BRINP3: variants seen among roughly 807,000 people sequenced by gnomAD.
The protein encoded by BRINP3 is BMP/retinoic acid inducible neural specific 3.
BRINP3 carries 19 observed loss-of-function variants against 71.0 expected under a neutral mutation model. The ratio of observed to expected loss-of-function variants is 0.27; its 90% CI spans 0.19 to 0.39. The LOEUF is 0.39. Among genes scored for constraint, BRINP3 ranks in the 10% least tolerant of loss-of-function variants. The pLI, the probability that BRINP3 is intolerant of heterozygous loss-of-function variation, is 1.00. For missense variants in BRINP3, 959 were observed against 940.8 expected, an observed-to-expected ratio of 1.02 and a Z score of -0.25; for synonymous variants, 380 against 337.7, an observed-to-expected ratio of 1.13 and a Z score of -1.37.
At chr1:190,173,857 G>A (rs1339037858) in intron 6 of BRINP3, among the ~76,000 whole-genome samples, 7 of 152,000 alleles carry the variant, frequency 4.6e-5, no homozygotes. Flanking sequence ...TCAGTGTCTG[G>A]AATAAAAGAA....
intron 6 of BRINP3, among the ~76,000 whole-genome samples, chr1:190,221,348 G>A (rs1302134219): frequency 2.0e-5 from 3 of 152,080 alleles, no homozygotes; most frequent in Non-Finnish European, 4.4e-5. Context: ...GTTATCCAAG[G>A]TAAGTTGTCT....
chr1:190,098,325 T>C lies in BRINP3; in HGVS notation c.1994A>G (p.Asn665Ser), dbSNP rs1051758519. The change falls in exon 8 of 8, where the codon AAC becomes AGC. Residue 665 changes from asparagine (N) to serine (S), a missense_variant. Coordinates refer to ENST00000367462, the MANE Select transcript of BRINP3 (RefSeq NM_199051.3). ...SRNLGYMKINNIQVFGYSMHF... is the reference protein window; with the variant it reads ...SRNLGYMKINSIQVFGYSMHF... ...CATGCTGTAGCCAAACACTTGAATG[T>C]TATTGATTTTCATATAGCCCAGGTT... is the stretch of plus-strand genomic sequence containing the variant. The C allele has an allele frequency of 6.2e-7, 1 of 1,614,128 alleles. No homozygotes were observed. The highest frequency in any genetic ancestry group is 8.5e-7 in the Non-Finnish European group (1 of 1,180,024).
chr1:190,196,664 T>G (rs926307597), intron 6 of BRINP3, among the ~76,000 whole-genome samples: 29 of 152,204 alleles, frequency 1.9e-4, no homozygotes, highest in East Asian at 9.7e-4. Context: ...ATAGGTTTTT[T>G]TTTGTTTGTT....
At chr1:190,472,892 T>C (rs573027333) in intron 1 of BRINP3, among the ~76,000 whole-genome samples, 4 of 151,744 alleles carry the variant, frequency 2.6e-5, no homozygotes, top group Admixed American at 1.3e-4. Flanking sequence ...AATTATAATG[T>C]ACAATAACTT....
At chr1:190,397,497 T>C (rs1671656058) in intron 2 of BRINP3, among the ~76,000 whole-genome samples, 1 of 152,028 alleles carries the variant, frequency 6.6e-6, no homozygotes, top group Admixed American at 6.6e-5. Flanking sequence ...CCTTTACTCC[T>C]TGGTCTGAAA....
intron 1 of BRINP3, among the ~76,000 whole-genome samples, chr1:190,474,048 TAAG>T (rs762611581): frequency 8.5e-5 from 13 of 152,202 alleles, no homozygotes; most frequent in Non-Finnish European, 1.6e-4. Flanking sequence ...TCTGGGACCT[TAAG>T]AAGAAGCAAT....
chr1:190,464,266 G>A (rs1210748119), intron 1 of BRINP3, among the ~76,000 whole-genome samples: 1 of 151,760 alleles, frequency 6.6e-6, no homozygotes, highest in Non-Finnish European at 1.5e-5. Flanking sequence ...AGAAATGGAT[G>A]TTTATTTGAA....
intron 3 of BRINP3, among the ~76,000 whole-genome samples, chr1:190,276,220 T>C (rs564480271): frequency 6.6e-6 from 1 of 151,550 alleles, no homozygotes; most frequent in Non-Finnish European, 1.5e-5. Context: ...AGAAATAAAT[T>C]ATTTATGTGT....
At position 190,389,109 on chromosome 1, in the gene BRINP3, T is replaced by G. The variant is rs143176100; in HGVS notation, c.236+65546A>C. 6.1e-3 allele frequency among the ~76,000 whole-genome samples: 927 copies of G among 151,850 alleles called. 16 individuals are homozygous for G. The highest frequency in any genetic ancestry group is 0.021 in the African/African-American group (864 of 41,512). On this transcript the variant is annotated intron_variant, in intron 2 of 7. Transcript: ENST00000367462. Reference sequence around the variant, plus strand: ...AAAAGCATTATTTACCAGGACAAATTTTATTTAGCAAAAAATAAAGAAAAA... The same window carrying G: ...AAAAGCATTATTTACCAGGACAAATGTTATTTAGCAAAAAATAAAGAAAAA...
At chr1:190,178,161 A>G (rs1031205426) in intron 6 of BRINP3, among the ~76,000 whole-genome samples, 1 of 152,168 alleles carries the variant, frequency 6.6e-6, no homozygotes. Context: ...CTAAAAGATG[A>G]AATATTATAA....
intron 4 of BRINP3, among the ~76,000 whole-genome samples, chr1:190,241,007 A>T (rs1659036118): frequency 6.6e-6 from 1 of 151,874 alleles, no homozygotes; most frequent in Non-Finnish European, 1.5e-5. Context: ...TTGCAGGGCA[A>T]TAATTTATTT....
At chr1:190,419,345 G>C (rs568342002) in intron 2 of BRINP3, among the ~76,000 whole-genome samples, 1 of 151,898 alleles carries the variant, frequency 6.6e-6, no homozygotes, top group Non-Finnish European at 1.5e-5. Context: ...TATTATTTTG[G>C]TTCTATGGCT....
chr1:190,453,377 C>T (rs1675778352), intron 2 of BRINP3, among the ~76,000 whole-genome samples: 2 of 151,548 alleles, frequency 1.3e-5, no homozygotes, highest in Non-Finnish European at 2.9e-5. Context: ...CTAGCCACCA[C>T]GCCCGGCTAA....
chr1:190,429,596 T>G (rs1288869860), intron 2 of BRINP3, among the ~76,000 whole-genome samples: 2 of 149,028 alleles, frequency 1.3e-5, no homozygotes, highest in African/African-American at 4.9e-5. Context: ...TTTCTTCCTT[T>G]TTTTTTTTTT....
chr1:190,448,351 G>A lies in BRINP3; in HGVS notation c.236+6304C>T, dbSNP rs192293934. 4.8e-3 allele frequency among the ~76,000 whole-genome samples: 722 copies of A among 151,520 alleles called. 7 individuals are homozygous for A. The highest frequency in any genetic ancestry group is 0.015 in the African/African-American group (607 of 41,398). On this transcript the variant is annotated intron_variant, in intron 2 of 7. Coordinates refer to ENST00000367462, the MANE Select transcript of BRINP3 (RefSeq NM_199051.3). ...CAAATTGAGTATACATTGCATGACC[G>A]TATTTAAGATGTATGTTACATATTT...
In BRINP3 at chr1:190,335,632, T is replaced by C. The variant is rs191086093; in HGVS notation, c.237-53882A>G. ...ATGTTCAGACATTTTAAAGAATATA[T>C]GACTCATTAACACTTTATATATAAA... On this transcript the variant is annotated intron_variant, in intron 2 of 7. Transcript: ENST00000367462. Among the ~76,000 whole-genome samples, 25 of 151,972 alleles carry C rather than the reference T, an allele frequency of 1.6e-4. 1 individual carries two copies. The highest frequency in any genetic ancestry group is 1.4e-3 in the Admixed American group (22 of 15,196).
At chr1:190,465,897 C>T (rs745691106) in intron 1 of BRINP3, among the ~76,000 whole-genome samples, 1 of 151,632 alleles carries the variant, frequency 6.6e-6, no homozygotes, top group African/African-American at 2.4e-5. Flanking sequence ...AAGATTAAAA[C>T]GATATGTAGA....
intron 2 of BRINP3, among the ~76,000 whole-genome samples, chr1:190,290,548 A>G (rs1663782113): frequency 6.6e-6 from 1 of 152,142 alleles, no homozygotes; most frequent in African/African-American, 2.4e-5. Context: ...CAATAAGTTT[A>G]TACGTTTGGT....
At position 190,261,719 on chromosome 1, in the gene BRINP3, C is replaced by T. The variant is rs74820379; in HGVS notation, c.618+3146G>A. On this transcript the variant is annotated intron_variant, in intron 4 of 7. Coordinates refer to ENST00000367462, the MANE Select transcript of BRINP3 (RefSeq NM_199051.3). ...AATATTTGCTCTAGAAATTAAATACCTACTATATGTCACTTAAAACACAAC... is the reference window on the plus strand; with the variant it reads ...AATATTTGCTCTAGAAATTAAATACTTACTATATGTCACTTAAAACACAAC... Among the ~76,000 whole-genome samples the T allele has an allele frequency of 2.7e-3, 415 of 152,096 alleles. 3 individuals are homozygous for T. The highest frequency in any genetic ancestry group is 9.2e-3 in the African/African-American group (383 of 41,494).
Sources: gnomAD v4.1 joint callset for allele counts (sites outside exome capture counted in the v4.1 genomes callset) on GRCh38, gnomAD v4.1.1 for gene constraint, MANE v1.5 for transcripts, NCBI Gene and HGNC (gene_info 2026-07-23, HGNC 2026-07-21) for gene names.